The following KCNN2 variants were observed in gnomAD, a reference collection of about 807,000 sequenced individuals.
KCNN2 encodes potassium calcium-activated channel subfamily N member 2, also known as small conductance calcium-activated potassium channel protein 2.
In KCNN2, 24 loss-of-function variants were observed where a neutral mutation model predicts 55.5. The observed-to-expected ratio is 0.43, with a 90% confidence interval of 0.31 to 0.61. The LOEUF (loss-of-function observed/expected upper bound fraction) is 0.61. Among genes scored for constraint, KCNN2 ranks in the 20% least tolerant of loss-of-function variants. KCNN2 has a pLI of 0.08. For synonymous variants in KCNN2, 431 were observed against 336.1 expected (o/e 1.28, Z -3.09); for missense variants, 754 against 853.6 (o/e 0.88, Z 1.45).
intron 2 of KCNN2, among the ~76,000 whole-genome samples, chr5:114,277,915 G>A (rs537712274): frequency 1.3e-5 from 2 of 151,322 alleles, no homozygotes; most frequent in South Asian, 2.2e-4. Flanking sequence ...GAGGAGAAAA[G>A]GCATTCTGGT....
intron 2 of KCNN2, among the ~76,000 whole-genome samples, chr5:114,372,125 A>G (rs368776155): frequency 3.5e-4 from 54 of 152,314 alleles, no homozygotes; most frequent in African/African-American, 1.2e-3. Context: ...TGGATGATCT[A>G]TGGAATTGGC....
At chr5:114,215,766 T>G (rs1390773021) in intron 1 of KCNN2, among the ~76,000 whole-genome samples, 1 of 152,142 alleles carries the variant, frequency 6.6e-6, no homozygotes, top group Non-Finnish European at 1.5e-5. Flanking sequence ...CTCCACATTA[T>G]TTGGAAAATA....
In KCNN2 at chr5:114,396,206, G is replaced by T. The variant is rs143376697; in HGVS notation, c.1219-8232G>T. Among the ~76,000 whole-genome samples the T allele has an allele frequency of 5.3e-5, 8 of 152,208 alleles. No homozygotes were observed. The East Asian group carries it at 1.4e-3, about 26-fold the overall frequency. On this transcript the variant is annotated intron_variant, in intron 2 of 7. Coordinates refer to ENST00000673685, the MANE Select transcript of KCNN2 (RefSeq NM_021614.4). The stretch of plus-strand genomic sequence containing the variant: ...CCAGCCCATCAGCAAGTTCTGACAA[G>T]ATTTCTACTTTTGTTGTTGCTGTTG...
chr5:114,203,864 C>T (rs1238647223), intron 1 of KCNN2, among the ~76,000 whole-genome samples: 6 of 152,076 alleles, frequency 3.9e-5, no homozygotes, highest in African/African-American at 1.4e-4. Context: ...GAAACTATAC[C>T]GAATAAAGAC....
intron 1 of KCNN2, among the ~76,000 whole-genome samples, chr5:114,102,149 A>C (rs1751385279): frequency 6.6e-6 from 1 of 152,152 alleles, no homozygotes; most frequent in Non-Finnish European, 1.5e-5. Context: ...ATGATATCTC[A>C]TTGTGATTTT....
At chr5:114,440,604 G>T (rs1391737160) in intron 3 of KCNN2, among the ~76,000 whole-genome samples, 2 of 150,908 alleles carry the variant, frequency 1.3e-5, no homozygotes, top group East Asian at 3.9e-4. Context: ...CTGAGGAGTT[G>T]GGTGACATGG....
chr5:114,382,823 G>C (rs1018474961), intron 2 of KCNN2, among the ~76,000 whole-genome samples: 2 of 152,196 alleles, frequency 1.3e-5, no homozygotes, highest in Non-Finnish European at 2.9e-5. Flanking sequence ...AGGATTAGCA[G>C]CTTGCTTCAG....
intron 2 of KCNN2, among the ~76,000 whole-genome samples, chr5:114,290,471 G>T (rs903577141): frequency 6.6e-6 from 1 of 151,850 alleles, no homozygotes; most frequent in Non-Finnish European, 1.5e-5. Flanking sequence ...TTAGTTATTT[G>T]CATCTTCCCT....
chr5:114,156,135 A>G (rs7701720), intron 1 of KCNN2, among the ~76,000 whole-genome samples: 54,701 of 152,060 alleles, frequency 0.36, 10,395 homozygotes, highest in East Asian at 0.72. Flanking sequence ...TTTATTGAAT[A>G]GGGAATCTTT....
intron 2 of KCNN2, among the ~76,000 whole-genome samples, chr5:114,222,441 C>T (rs1419945020): frequency 6.6e-6 from 1 of 152,086 alleles, no homozygotes; most frequent in Non-Finnish European, 1.5e-5. Flanking sequence ...GAGGGCCTTC[C>T]CCAAAATACT....
chr5:114,123,125 C>T (rs931228631), intron 1 of KCNN2, among the ~76,000 whole-genome samples: 2 of 152,096 alleles, frequency 1.3e-5, no homozygotes, highest in Non-Finnish European at 2.9e-5. Context: ...GCACCAGGCA[C>T]CACTCTTACT....
chr5:114,385,776 A>G (rs1402919838), intron 2 of KCNN2, among the ~76,000 whole-genome samples: 2 of 151,804 alleles, frequency 1.3e-5, no homozygotes, highest in Non-Finnish European at 2.9e-5. Flanking sequence ...TACTAATGTA[A>G]TGTATGATAA....
intron 1 of KCNN2, among the ~76,000 whole-genome samples, chr5:114,195,257 G>A (rs1753529802): frequency 6.7e-6 from 1 of 150,104 alleles, no homozygotes; most frequent in Non-Finnish European, 1.5e-5. Context: ...GAGATTGATT[G>A]ACTTTGTAAA....
rs559086834 is a variant in KCNN2 at position 114,248,379 on chromosome 5, A to G, written c.-185+26814A>G. Among the ~76,000 whole-genome samples, 3 of 152,314 alleles carry G rather than the reference A, an allele frequency of 2.0e-5. No individual in the cohort carries two copies. In the East Asian group the frequency reaches 5.8e-4, roughly 29 times the overall value. ...GTTTAGTTATTTGGGGGGAAGTTAC[A>G]CAATGTAAAATGTATATTGACCAAC... On this transcript the variant is annotated intron_variant, in intron 2 of 10. Coordinates refer to the KCNN2 transcript ENST00000512097.
In KCNN2 at chr5:114,354,662, T is replaced by C. The variant is rs1005910942; in HGVS notation, c.-184-6283T>C. ...GTTATATGAGCTAGGAAGTACTCCTTGTTAAGAAAATTTAACTTGTGAAAG... is the reference window on the plus strand; with the variant it reads ...GTTATATGAGCTAGGAAGTACTCCTCGTTAAGAAAATTTAACTTGTGAAAG... On this transcript the variant is annotated intron_variant, in intron 2 of 10. Coordinates refer to the KCNN2 transcript ENST00000512097. Among the ~76,000 whole-genome samples the C allele has an allele frequency of 3.9e-5, 6 of 152,302 alleles. No individual in the cohort carries two copies. The East Asian group carries it at 7.7e-4, about 20-fold the overall frequency.
chr5:114,115,644 G>T (rs193237553), intron 1 of KCNN2, among the ~76,000 whole-genome samples: 6 of 151,992 alleles, frequency 3.9e-5, no homozygotes, highest in Non-Finnish European at 7.4e-5. Flanking sequence ...CTGCACTTGA[G>T]AAATTATCAT....
intron 2 of KCNN2, among the ~76,000 whole-genome samples, chr5:114,394,052 CAA>C (rs1376677469): frequency 6.6e-6 from 1 of 152,104 alleles, no homozygotes; most frequent in Admixed American, 6.6e-5. Context: ...ATTACATTAT[CAA>C]AGAGAATGTA....
chr5:114,207,161 T>C (rs1321205780), intron 1 of KCNN2, among the ~76,000 whole-genome samples: 2 of 152,150 alleles, frequency 1.3e-5, no homozygotes, highest in African/African-American at 4.8e-5. Flanking sequence ...AGTTCTTGTT[T>C]TGGGGTGTAT....
At chr5:114,123,721 T>C (rs868714399) in intron 1 of KCNN2, among the ~76,000 whole-genome samples, 2 of 152,228 alleles carry the variant, frequency 1.3e-5, no homozygotes, top group African/African-American at 4.8e-5. Flanking sequence ...CTTCAGCTTT[T>C]TTCATAAGCA....
Sources: allele counts gnomAD v4.1 joint callset (sites outside exome capture counted in the v4.1 genomes callset), GRCh38; gene constraint gnomAD v4.1.1; transcripts MANE v1.5; gene names NCBI Gene and HGNC (gene_info 2026-07-23, HGNC 2026-07-21).